The following REV3L variants were observed in gnomAD, a reference collection of about 807,000 sequenced individuals.
The protein encoded by REV3L is DNA polymerase zeta catalytic subunit.
A neutral mutation model predicts 299.4 loss-of-function variants in REV3L; 69 were observed. That is an observed-to-expected ratio of 0.23 (90% CI 0.19 to 0.28). The LOEUF is 0.28. Ranked by LOEUF, REV3L falls within the 10% of genes least tolerant of loss-of-function variation. The pLI, the probability that REV3L is intolerant of heterozygous loss-of-function variation, is 1.00. For synonymous variants in REV3L, 1,238 were observed against 1,271.4 expected (o/e 0.97, Z 0.56); for missense variants, 3,128 against 3,693.8 (o/e 0.85, Z 3.97).
intron 11 of REV3L, among the ~76,000 whole-genome samples, chr6:111,378,386 C>T (rs539091770): frequency 6.6e-6 from 1 of 152,066 alleles, no homozygotes; most frequent in African/African-American, 2.4e-5. Context: ...CCTATCCATA[C>T]CCAATTTTTT....
chr6:111,375,588 G>T lies in REV3L; in HGVS notation c.2767C>A (p.Arg923Ser), dbSNP rs760660796. The part of the protein sequence containing the change: ...YGNKYTLRAK[R>S]KVNYETEDSE... ...TCTTCAGTCTCATAATTTACCTTGC[G>T]TTTGGCTCTAAGTGTGTATTTATTT... Residue 923 changes from arginine to serine, a missense_variant, in exon 13 of 32, where the codon CGC (arginine) becomes AGC (serine). Arg to Ser is a moderately radical substitution (Grantham distance 110). Transcript: ENST00000368802. 2 of 1,613,602 alleles carry T rather than the reference G, an allele frequency of 1.2e-6. No homozygotes were observed. The highest frequency in any genetic ancestry group is 3.3e-5 in the Admixed American group (2 of 59,998).
intron 1 of REV3L, among the ~76,000 whole-genome samples, chr6:111,426,607 T>G (rs974080921): frequency 7.9e-5 from 12 of 152,216 alleles, no homozygotes; most frequent in African/African-American, 2.9e-4. Context: ...ACTTCCAAAC[T>G]GAACAACAGT....
chr6:111,325,047 A>G (rs1562123498), intron 25 of REV3L, among the ~76,000 whole-genome samples: 1 of 151,984 alleles, frequency 6.6e-6, no homozygotes, highest in Non-Finnish European at 1.5e-5. Context: ...ATTTTTAGTA[A>G]AGACGGGGTT....
intron 1 of REV3L, among the ~76,000 whole-genome samples, chr6:111,427,730 G>A (rs778603176): frequency 1.3e-5 from 2 of 152,154 alleles, no homozygotes; most frequent in South Asian, 2.1e-4. Context: ...ACCATCTTGG[G>A]TTTGTTGGCA....
chr6:111,439,727 C>G (rs1011009466), intron 1 of REV3L, among the ~76,000 whole-genome samples: 1 of 152,156 alleles, frequency 6.6e-6, no homozygotes, highest in Non-Finnish European at 1.5e-5. Context: ...AGGTCATGGT[C>G]ACAGTTTGGT....
chr6:111,321,204 T>C (rs866545323), intron 26 of REV3L, among the ~76,000 whole-genome samples: 2 of 152,186 alleles, frequency 1.3e-5, no homozygotes, highest in Non-Finnish European at 2.9e-5. Context: ...TCTCCCCAAG[T>C]ATGAAAACTG....
At chr6:111,400,438 G>T (rs968652559) in intron 4 of REV3L, among the ~76,000 whole-genome samples, 8 of 152,154 alleles carry the variant, frequency 5.3e-5, no homozygotes, top group Admixed American at 3.9e-4. Flanking sequence ...TAGGTATATA[G>T]TGGTAGCCCT....
intron 15 of REV3L, 72 bp downstream of exon 15, chr6:111,365,193 C>A: frequency 3.1e-6 from 3 of 974,924 alleles, no homozygotes; most frequent in Non-Finnish European, 1.5e-6. Flanking sequence ...ACAAAGTTAA[C>A]AATTATCTAA....
intron 31 of REV3L, among the ~76,000 whole-genome samples, chr6:111,301,280 T>C (rs1771490521): frequency 6.6e-6 from 1 of 152,206 alleles, no homozygotes; most frequent in Non-Finnish European, 1.5e-5. Flanking sequence ...CAGCACGACA[T>C]GGACCTTCAT....
At chr6:111,468,801 A>C (rs572588391) in intron 1 of REV3L, among the ~76,000 whole-genome samples, 3 of 152,214 alleles carry the variant, frequency 2.0e-5, no homozygotes, top group African/African-American at 4.8e-5. Context: ...AAAATTGTTA[A>C]AAGTTTTCTA....
At chr6:111,476,658 T>G (rs1479124361) in intron 1 of REV3L, among the ~76,000 whole-genome samples, 1 of 152,226 alleles carries the variant, frequency 6.6e-6, no homozygotes, top group Non-Finnish European at 1.5e-5. Context: ...TGCTGTCATG[T>G]GCCAAAACCA....
At chr6:111,420,050 TTAATCAGGATGGTC>T (rs1217535938) in intron 1 of REV3L, among the ~76,000 whole-genome samples, 4 of 152,172 alleles carry the variant, frequency 2.6e-5, no homozygotes, top group African/African-American at 9.7e-5. Flanking sequence ...TTTCACCGTG[TTAATCAGGATGGTC>T]TCGATCTCCT....
In REV3L at chr6:111,380,181, CAAG is replaced by C. The variant is rs758595911; in HGVS notation, c.1252_1254del (p.Leu418del). 6.8e-6 allele frequency: 11 copies of C among 1,613,872 alleles called. No homozygotes were observed. The African/African-American group carries it at 9.3e-5, about 14-fold the overall frequency. On this transcript the variant is annotated inframe_deletion, in exon 11 of 32. Coordinates refer to ENST00000368802, the MANE Select transcript of REV3L (RefSeq NM_001372078.1). The stretch of plus-strand genomic sequence containing the variant: ...CGATATCCATCACTTTCCAAACCAG[CAAG>C]AAGATGTACCAGAGCCTCATCAGGA...
At chr6:111,390,314 C>G (rs1040955046) in intron 5 of REV3L, 134 bp from the exon 6 acceptor site, 20 of 603,494 alleles carry the variant, frequency 3.3e-5, no homozygotes, top group African/African-American at 3.0e-4. Context: ...ATTATTCTGA[C>G]AAAATTGATA....
chr6:111,322,831 CATT>C (rs1774335330), intron 25 of REV3L, among the ~76,000 whole-genome samples, 153 bp from the exon 26 acceptor site: 1 of 152,142 alleles, frequency 6.6e-6, no homozygotes, highest in South Asian at 2.1e-4. Context: ...TCAGTATCAT[CATT>C]CTTTCTACAA....
rs752857820 is a variant in REV3L, at chr6:111,313,489, C to G, written c.8467G>C (p.Val2823Leu). 4.3e-5 allele frequency: 68 copies of G among 1,596,202 alleles called. No individual in the cohort carries two copies. Among genetic ancestry groups the G allele is most frequent in the Non-Finnish European group, 5.7e-5 (67 of 1,174,570 alleles). ...GTTTGTAAAACACAGGGCAAATATA[C>G]CTGTGGTAAAATTAATAAAATGCCT... ...PKPVKLKFEK[V>L]YLPCVLQTKK... The change falls in exon 28 of 32, where the codon GTA becomes CTA. Residue 2823 changes from valine (V) to leucine (L), a missense_variant and splice_region_variant. By Grantham distance (32) the Val-to-Leu change is conservative. Coordinates refer to ENST00000368802, the MANE Select transcript of REV3L (RefSeq NM_001372078.1).
chr6:111,326,862 T>C (rs1181277466), intron 25 of REV3L, among the ~76,000 whole-genome samples: 1 of 152,244 alleles, frequency 6.6e-6, no homozygotes, highest in East Asian at 1.9e-4. Flanking sequence ...GTGCTAACTT[T>C]TCACTTATTC....
chr6:111,382,716 C>A (rs1486317201), intron 9 of REV3L, among the ~76,000 whole-genome samples: 15 of 152,124 alleles, frequency 9.9e-5, no homozygotes, highest in Admixed American at 9.2e-4. Flanking sequence ...GGGCTCAGAG[C>A]CAGTAGACTT....
chr6:111,349,190 T>C (rs779573907), intron 20 of REV3L, 28 bp downstream of exon 20: 8 of 1,129,756 alleles, frequency 7.1e-6, no homozygotes, highest in Non-Finnish European at 9.4e-6. Context: ...ATCTTATTTC[T>C]AAACAACATT....
Sources: allele counts gnomAD v4.1 joint callset (sites outside exome capture counted in the v4.1 genomes callset), GRCh38; gene constraint gnomAD v4.1.1; transcripts MANE v1.5; gene names NCBI Gene and HGNC (gene_info 2026-07-23, HGNC 2026-07-21).